The following NOTCH1 variants were observed in gnomAD, a reference collection of about 807,000 sequenced individuals.
The protein encoded by NOTCH1 is neurogenic locus notch homolog protein 1.
In NOTCH1, 37 loss-of-function variants were observed where a neutral mutation model predicts 254.8. The ratio of observed to expected loss-of-function variants is 0.15; its 90% CI spans 0.11 to 0.19. The LOEUF (loss-of-function observed/expected upper bound fraction) is 0.19. NOTCH1 is among the 10% of genes least tolerant of loss of function. NOTCH1 has a pLI of 1.00. For synonymous variants in NOTCH1, 1,731 were observed against 1,618.1 expected (o/e 1.07, Z -1.68); for missense variants, 2,972 against 3,708.6 (o/e 0.80, Z 5.16).
At chr9:136,532,436 T>A (rs1843576206) in intron 2 of NOTCH1, among the ~76,000 whole-genome samples, 1 of 151,144 alleles carries the variant, frequency 6.6e-6, no homozygotes, top group African/African-American at 2.4e-5. Context: ...CACAACTGCA[T>A]GCAAATCCCA....
At chr9:136,501,600 A>G in intron 30 of NOTCH1, 148 bp downstream of exon 30, 1 of 970,704 alleles carries the variant, frequency 1.0e-6, no homozygotes. Context: ...CCCCACGTCT[A>G]CTCTGAATGG....
rs746848165 is a variant in NOTCH1 at position 136,518,186 on chromosome 9, C to G, written c.1206G>C (p.Ser402=). The change falls in exon 7 of 34, where the codon TCG becomes TCC. Residue 402 remains serine (S), a synonymous_variant. Coordinates refer to ENST00000651671, the MANE Select transcript of NOTCH1 (RefSeq NM_017617.5). The stretch of plus-strand genomic sequence containing the variant: ...GGCTGCAGGCCGGGCCCGTGTACCC[C>G]GAGGGGCAGGTGCAGATGGCCTTGC... ...VNGKAICTCP[S]GYTGPACSQD... 1.2e-6 allele frequency: 2 copies of G among 1,602,982 alleles called. No homozygotes were observed. The highest frequency in any genetic ancestry group is 2.7e-5 in the African/African-American group (2 of 74,784).
chr9:136,503,402 C>A (rs2133334024), intron 26 of NOTCH1, 72 bp from the exon 27 acceptor site: 2 of 1,605,470 alleles, frequency 1.2e-6, no homozygotes, highest in Non-Finnish European at 1.7e-6. Flanking sequence ...AGGGATGCTG[C>A]CGCAGGACAC....
In NOTCH1 at chr9:136,506,667, G is replaced by A. The variant is rs1589059664; in HGVS notation, c.3902-28C>T. ...AGGGGTAAGAGCAGGGCAGTGAGAG[G>A]CTCACCCTGCTGCCCCACACGCCCC... On this transcript the variant is annotated intron_variant, in intron 23 of 33. Coordinates refer to ENST00000651671, the MANE Select transcript of NOTCH1 (RefSeq NM_017617.5). This position sits in a 1 kb window ranked among gnomAD's most constrained non-coding sequence, Gnocchi z 4.5. 4.4e-6 allele frequency: 7 copies of A among 1,598,058 alleles called. No homozygotes were observed. The highest frequency in any genetic ancestry group is 5.1e-6 in the Non-Finnish European group (6 of 1,173,268).
chr9:136,513,580 G>A lies in NOTCH1; in HGVS notation c.2208-43C>T, dbSNP rs2133358991. On this transcript the variant is annotated intron_variant, in intron 13 of 33. Transcript: ENST00000651671. This position sits in a 1 kb window ranked among gnomAD's most constrained non-coding sequence, Gnocchi z 4.7. ...CTGCAGGTCGAGGGAGGCCCGAGCA[G>A]CACGGCCGGGGCCTGGGCACTCCCG... 7 of 1,610,136 alleles carry A rather than the reference G, an allele frequency of 4.3e-6. No individual in the cohort carries two copies. The highest frequency in any genetic ancestry group is 5.9e-6 in the Non-Finnish European group (7 of 1,178,890).
rs142543972 is a variant in NOTCH1 at position 136,519,203 on chromosome 9, T to C, written c.865+240A>G. ...GGCACAGGGGCTGCCTGGAGCCAGG[T>C]TGCAAACGGCCCACACAGACCAACC... On this transcript the variant is annotated intron_variant, in intron 5 of 33. Coordinates refer to ENST00000651671, the MANE Select transcript of NOTCH1 (RefSeq NM_017617.5). Among the ~76,000 whole-genome samples the C allele has an allele frequency of 6.9e-3, 1,055 of 152,248 alleles. 15 individuals are homozygous for C. The highest frequency in any genetic ancestry group is 0.024 in the African/African-American group (1,012 of 41,536).
rs1232916828 is a variant in NOTCH1, at chr9:136,497,547, G to T, written c.6192C>A (p.Pro2064=). ...KDMQNNREET[P]LFLAAREGSY... ...TGCCCTCCCGGGCGGCCAGAAACAG[G>T]GGTGTCTCCTCCTGGGGGATGAGGG... The change falls in exon 34 of 34, where the codon CCC becomes CCA. Residue 2064 remains proline, a synonymous_variant. Coordinates refer to ENST00000651671, the MANE Select transcript of NOTCH1 (RefSeq NM_017617.5). The T allele has an allele frequency of 1.2e-6, 2 of 1,602,812 alleles. No individual in the cohort carries two copies. Among genetic ancestry groups the T allele is most frequent in the Non-Finnish European group, 1.7e-6 (2 of 1,175,492 alleles).
chr9:136,531,833 C>T (rs914386647), intron 2 of NOTCH1, among the ~76,000 whole-genome samples: 7 of 152,234 alleles, frequency 4.6e-5, no homozygotes, highest in Non-Finnish European at 1.0e-4. Context: ...CGCAGATGGA[C>T]GGCGGCTTCA....
intron 33 of NOTCH1, 123 bp downstream of exon 33, chr9:136,498,776 G>GCCCAGCGACCCTCGAGACCCTGTGGGT: frequency 8.7e-7 from 1 of 1,148,946 alleles, no homozygotes; most frequent in Non-Finnish European, 1.3e-6. Context: ...CCACATGCGG[G>GCCCAGCGACCCTCGAGACCCTGTGGGT]CCCAGCGACC....
chr9:136,510,389 G>T lies in NOTCH1; in HGVS notation c.2740+264C>A, dbSNP rs533516700. The T allele has an allele frequency of 1.0e-5, 6 of 592,856 alleles. No homozygotes were observed. The East Asian group carries it at 1.7e-4, about 17-fold the overall frequency. 36.7% of individuals were successfully genotyped at this position (592,856 alleles called of 1,614,324 possible). On this transcript the variant is annotated intron_variant, in intron 17 of 33. Coordinates refer to ENST00000651671, the MANE Select transcript of NOTCH1 (RefSeq NM_017617.5). ...CCAGGCGGGAGTGCAGGCCGGGCCC[G>T]AGCCATCCTCGGCTCAGTGAAGAGC...
chr9:136,540,354 C>A lies in NOTCH1; in HGVS notation c.140+3670G>T, dbSNP rs1046606043. Among the ~76,000 whole-genome samples, 1 of 152,082 alleles carries A rather than the reference C, an allele frequency of 6.6e-6. No individual in the cohort carries two copies. Among genetic ancestry groups the A allele is most frequent in the Non-Finnish European group, 1.5e-5 (1 of 68,004 alleles). ...AGCCACCCTGGGAGATGGACTTCCC[C>A]GGAGCTGGAGCCATCCTGGGAGATG... On this transcript the variant is annotated intron_variant, in intron 2 of 33. Coordinates refer to ENST00000651671, the MANE Select transcript of NOTCH1 (RefSeq NM_017617.5). The surrounding 1 kb of genome is among the most constrained non-coding windows in gnomAD (Gnocchi z 4.4).
rs2133342703 is a variant in NOTCH1 at position 136,506,606 on chromosome 9, T to C, written c.3935A>G (p.Lys1312Arg). ...RRCESVINGCKGKPCKNGGTC... is the reference protein window; with the variant it reads ...RRCESVINGCRGKPCKNGGTC... ...GCCCCCATTCTTGCAGGGCTTGCCT[T>C]TGCAGCCATTGATGACGGACTCGCA... Residue 1312 changes from lysine (K) to arginine (R), a missense_variant, in exon 24 of 34, where the codon AAA becomes AGA. By Grantham distance (26) the Lys-to-Arg change is conservative (BLOSUM62 2). This residue lies in a region of NOTCH1 where 1,343 missense variants were observed against 1,557.0 expected (regional missense o/e 0.86). Transcript: ENST00000651671. This position sits in a 1 kb window ranked among gnomAD's most constrained non-coding sequence, Gnocchi z 4.5. 1 of 1,611,016 alleles carries C rather than the reference T, an allele frequency of 6.2e-7. No individual in the cohort carries two copies. Among genetic ancestry groups the C allele is most frequent in the South Asian group, 1.1e-5 (1 of 90,718 alleles).
intron 2 of NOTCH1, among the ~76,000 whole-genome samples, chr9:136,528,396 G>C (rs1843503582): frequency 1.6e-5 from 2 of 128,798 alleles, no homozygotes; most frequent in Admixed American, 7.4e-5. Flanking sequence ...GGACAGTGGG[G>C]GGGGATGGGC....
In NOTCH1 at chr9:136,514,592, G is replaced by T. The variant is rs2133360792; in HGVS notation, c.2125C>A (p.His709Asn). 1 of 1,608,806 alleles carries T rather than the reference G, an allele frequency of 6.2e-7. No homozygotes were observed. The highest frequency in any genetic ancestry group is 8.5e-7 in the Non-Finnish European group (1 of 1,178,550). The change falls in exon 13 of 34, where the codon CAC becomes AAC. Residue 709 changes from histidine (H) to asparagine (N), a missense_variant. This residue lies in a region of NOTCH1 where 1,343 missense variants were observed against 1,557.0 expected (regional missense o/e 0.86). Transcript: ENST00000651671. ...GFTCRCPEGY[H>N]DPTCLSEVNE... The stretch of plus-strand genomic sequence containing the variant: ...ACCTCAGACAGGCAGGTGGGGTCGT[G>T]GTAGCCCTCGGGGCAGCGGCAGGTG...
intron 27 of NOTCH1, 122 bp downstream of exon 27, chr9:136,503,060 A>C (rs1843025516): frequency 1.4e-6 from 2 of 1,427,290 alleles, no homozygotes; most frequent in East Asian, 4.6e-5. Flanking sequence ...CCCTACCCCA[A>C]CTCGGACGGC....
intron 7 of NOTCH1, 81 bp downstream of exon 7, chr9:136,518,056 T>G (rs1843305652): frequency 6.4e-7 from 1 of 1,552,272 alleles, no homozygotes; most frequent in African/African-American, 1.4e-5. Flanking sequence ...GGGCACCCCC[T>G]GAAGCCAGAA....
chr9:136,507,112 G>A, intron 22 of NOTCH1, 139 bp from the exon 23 acceptor site: 1 of 1,460,384 alleles, frequency 6.8e-7, no homozygotes, highest in South Asian at 1.2e-5. Flanking sequence ...GGGTGCCGTG[G>A]AGACGCCCTT....
chr9:136,535,721 A>G (rs1357480692), intron 2 of NOTCH1, among the ~76,000 whole-genome samples: 1 of 2,738 alleles, frequency 3.7e-4, no homozygotes, highest in Non-Finnish European at 8.0e-4. Flanking sequence ...GCAGGGTGGG[A>G]GTGGGTGGAG....
chr9:136,511,299 G>T (rs370777092), intron 15 of NOTCH1, 28 bp from the exon 16 acceptor site: 2 of 1,595,542 alleles, frequency 1.3e-6, no homozygotes, highest in African/African-American at 2.7e-5. Context: ...ACGTGACCCC[G>T]GGAGCCTCAC....
Sources: gnomAD v4.1 joint callset for allele counts (sites outside exome capture counted in the v4.1 genomes callset) on GRCh38, gnomAD v4.1.1 for gene constraint, gnomAD v4.1.1 regional missense constraint, Gnocchi (gnomAD v3.1) non-coding constraint, MANE v1.5 for transcripts, NCBI Gene and HGNC (gene_info 2026-07-23, HGNC 2026-07-21) for gene names.